The following ORC3 variants were observed in gnomAD, a reference collection of about 807,000 sequenced individuals.
ORC3 encodes the protein homolog of latheo, Drosophila.
Under a neutral mutation model 100.7 loss-of-function variants are expected in ORC3, and 78 were observed. That is an observed-to-expected ratio of 0.77 (90% confidence interval 0.65 to 0.94). The LOEUF (loss-of-function observed/expected upper bound fraction) is 0.94, where lower values mean the gene tolerates loss of function less well. Ranked by LOEUF, ORC3 falls within the 40% of genes least tolerant of loss-of-function variation. The pLI, the probability that ORC3 is intolerant of heterozygous loss-of-function variation, is 0.00. For missense variants in ORC3, 789 were observed against 823.9 expected, an observed-to-expected ratio of 0.96 and a Z score of 0.52; for synonymous variants, 295 against 289.3, an observed-to-expected ratio of 1.02 and a Z score of -0.20.
intron 9 of ORC3, among the ~76,000 whole-genome samples, chr6:87,620,494 A>G (rs1779461441): frequency 6.6e-6 from 1 of 152,214 alleles, no homozygotes; most frequent in South Asian, 2.1e-4. Flanking sequence ...AGGAAGGATC[A>G]AGCCCAAGAT....
At chr6:87,603,651 A>G in intron 4 of ORC3, 123 bp downstream of exon 4, 1 of 511,660 alleles carries the variant, frequency 2.0e-6, no homozygotes, top group Non-Finnish European at 3.4e-6. Context: ...TCTTATTTGT[A>G]CAATTAAACC....
At chr6:87,617,847 A>C (rs1381017571) in intron 9 of ORC3, among the ~76,000 whole-genome samples, 1 of 152,200 alleles carries the variant, frequency 6.6e-6, no homozygotes, top group African/African-American at 2.4e-5. Context: ...TGAAGATTAT[A>C]AATTATTTCT....
intron 13 of ORC3, among the ~76,000 whole-genome samples, chr6:87,648,435 GTTTGT>G (rs1430729586): frequency 6.6e-6 from 1 of 151,906 alleles, no homozygotes; most frequent in Non-Finnish European, 1.5e-5. Context: ...GTTTTTTTGT[GTTTGT>G]TTTGTTTTTG....
intron 13 of ORC3, among the ~76,000 whole-genome samples, chr6:87,644,836 G>A (rs1249417868): frequency 1.3e-5 from 2 of 151,078 alleles, no homozygotes; most frequent in Non-Finnish European, 2.9e-5. Flanking sequence ...GTGACAAAGC[G>A]AGACTCCATC....
At chr6:87,650,009 A>G (rs1769123927) in intron 13 of ORC3, among the ~76,000 whole-genome samples, 1 of 149,740 alleles carries the variant, frequency 6.7e-6, no homozygotes, top group Non-Finnish European at 1.5e-5. Context: ...TTATATGGAT[A>G]TGTATATATG....
intron 13 of ORC3, among the ~76,000 whole-genome samples, chr6:87,648,976 C>T (rs1206224004): frequency 6.6e-6 from 1 of 152,192 alleles, no homozygotes; most frequent in African/African-American, 2.4e-5. Context: ...ACAGTGTACA[C>T]TCACACCAAC....
rs1328219363 is a variant in ORC3, at chr6:87,594,410, A to C, written c.79+3A>C. On this transcript the variant is annotated splice_donor_region_variant and intron_variant, in intron 2 of 19. Transcript: ENST00000392844. ...GAGAAAGATCTCTCTGCCAATAGGT[A>C]AGGTGTCTGAATATTAAATTTTTTA... 6.4e-7 allele frequency: 1 copy of C among 1,573,756 alleles called. No homozygotes were observed. Among genetic ancestry groups the C allele is most frequent in the Non-Finnish European group, 8.7e-7 (1 of 1,152,380 alleles).
intron 5 of ORC3, among the ~76,000 whole-genome samples, chr6:87,606,736 T>C (rs1778371985): frequency 6.6e-6 from 1 of 152,066 alleles, no homozygotes; most frequent in African/African-American, 2.4e-5. Flanking sequence ...TTGTTGTTTG[T>C]AGAGATTGGG....
the ORC3 span, chr6:87,675,006 A>G: frequency 6.6e-6 from 1 of 151,632 alleles, no homozygotes; most frequent in African/African-American, 2.4e-5. Flanking sequence ...AAAAAAAAAA[A>G]TGCAGCAATA....
chr6:87,676,447 CAAAAAA>C, the ORC3 span, among the ~76,000 whole-genome samples: 9 of 41,916 alleles, frequency 2.1e-4, no homozygotes, highest in East Asian at 8.1e-4. Flanking sequence ...GCCTGGGCAA[CAAAAAA>C]AAAAAAAAAA....
intron 19 of ORC3, among the ~76,000 whole-genome samples, chr6:87,666,124 GT>G (rs915729808): frequency 1.3e-5 from 2 of 151,624 alleles, no homozygotes; most frequent in Non-Finnish European, 2.9e-5. Flanking sequence ...TTTGGTTTTT[GT>G]TTTTTTTGTT....
downstream of ORC3, among the ~76,000 whole-genome samples, chr6:87,668,336 A>G (rs1770760439): frequency 6.6e-6 from 1 of 152,156 alleles, no homozygotes; most frequent in East Asian, 1.9e-4. Flanking sequence ...TTTTATGAGT[A>G]TCCATTATCC....
chr6:87,628,289 A>T (rs961009113), intron 11 of ORC3, among the ~76,000 whole-genome samples: 3 of 152,208 alleles, frequency 2.0e-5, no homozygotes, highest in Admixed American at 1.3e-4. Flanking sequence ...TTACCTAAGT[A>T]AGAAACCTGC....
intron 19 of ORC3, among the ~76,000 whole-genome samples, chr6:87,666,515 C>T (rs1484205914): frequency 3.4e-5 from 5 of 146,298 alleles, no homozygotes; most frequent in African/African-American, 1.0e-4. Flanking sequence ...CTCGGCTCAC[C>T]GCAACCTCCA....
intron 13 of ORC3, among the ~76,000 whole-genome samples, chr6:87,639,395 C>T (rs750468377): frequency 3.9e-5 from 6 of 152,174 alleles, no homozygotes; most frequent in Non-Finnish European, 1.5e-5. Context: ...TGGCCTTTGG[C>T]GATGCCTCCT....
At chr6:87,627,297 C>CCTTTTT (rs1779986182) in intron 11 of ORC3, among the ~76,000 whole-genome samples, 1 of 113,430 alleles carries the variant, frequency 8.8e-6, no homozygotes, top group African/African-American at 3.5e-5. Flanking sequence ...CCGCGCCCAG[C>CCTTTTT]TTTTTTTTTT....
At chr6:87,656,584 C>A (rs1332529161) in intron 14 of ORC3, among the ~76,000 whole-genome samples, 1 of 150,884 alleles carries the variant, frequency 6.6e-6, no homozygotes, top group Non-Finnish European at 1.5e-5. Flanking sequence ...AAGACTCCAT[C>A]TGAAAAAAAA....
Position 87,665,820 on chromosome 6 carries a change from A to G in ORC3, c.2017A>G (p.Asn673Asp), listed in dbSNP as rs754035512. The change falls in exon 19 of 20, where the codon AAT becomes GAT. Residue 673 changes from asparagine to aspartate, a missense_variant. This residue lies in a region of ORC3 where 366 missense variants were observed against 394.2 expected (regional missense o/e 0.93). Coordinates refer to ENST00000392844, the MANE Select transcript of ORC3 (RefSeq NM_012381.4). ...DANSATSEEM[N>D]EIIHARFIRA... is the part of the protein sequence containing the mutation. ...AAATTCTGCAACCTCAGAAGAAATGAATGAAATTATCCAGTATCCTTTTAA... is the reference window on the plus strand; with the variant it reads ...AAATTCTGCAACCTCAGAAGAAATGGATGAAATTATCCAGTATCCTTTTAA... 1.9e-6 allele frequency: 3 copies of G among 1,604,776 alleles called. No homozygotes were observed. In the East Asian group the frequency reaches 6.7e-5, roughly 36 times the overall value.
chr6:87,670,213 CAG>C (rs1770804837), downstream of ORC3, among the ~76,000 whole-genome samples: 2 of 152,066 alleles, frequency 1.3e-5, no homozygotes, highest in African/African-American at 4.8e-5. Flanking sequence ...CTCTGTCACC[CAG>C]AGTGCAGTGA....
Sources: allele counts gnomAD v4.1 joint callset (sites outside exome capture counted in the v4.1 genomes callset), GRCh38; gene constraint gnomAD v4.1.1; regional missense constraint gnomAD v4.1.1; transcripts MANE v1.5; gene names NCBI Gene and HGNC (gene_info 2026-07-23, HGNC 2026-07-21).